ARHGAP24: variants seen among roughly 807,000 people sequenced by gnomAD.
The protein encoded by ARHGAP24 is rho GTPase-activating protein 24.
Under a neutral mutation model 76.4 loss-of-function variants are expected in ARHGAP24, and 50 were observed. The ratio of observed to expected loss-of-function variants is 0.65; its 90% CI spans 0.52 to 0.83. The LOEUF (loss-of-function observed/expected upper bound fraction) is 0.83. Ranked by LOEUF, ARHGAP24 falls within the 40% of genes least tolerant of loss-of-function variation. The pLI is 0.00. For synonymous variants in ARHGAP24, 345 were observed against 323.3 expected, an observed-to-expected ratio of 1.07 and a Z score of -0.72; for missense variants, 930 against 914.2, an observed-to-expected ratio of 1.02 and a Z score of -0.22.
chr4:85,585,663 C>T (rs1179298189), intron 2 of ARHGAP24, among the ~76,000 whole-genome samples: 2 of 152,126 alleles, frequency 1.3e-5, no homozygotes, highest in East Asian at 1.9e-4. Flanking sequence ...GGAAGATGTT[C>T]GTTCTTGCTT....
chr4:85,504,630 G>T (rs1475727714), intron 1 of ARHGAP24, among the ~76,000 whole-genome samples: 1 of 152,124 alleles, frequency 6.6e-6, no homozygotes, highest in Non-Finnish European at 1.5e-5. Flanking sequence ...CATGAGACGG[G>T]TCTCCTGAAT....
chr4:85,856,672 T>A (rs1334776657), intron 3 of ARHGAP24, among the ~76,000 whole-genome samples: 1 of 152,038 alleles, frequency 6.6e-6, no homozygotes, highest in Non-Finnish European at 1.5e-5. Context: ...AGTTTCACCA[T>A]GTTGACCAAG....
chr4:85,709,223 G>T (rs1724430247), intron 2 of ARHGAP24, among the ~76,000 whole-genome samples: 1 of 152,088 alleles, frequency 6.6e-6, no homozygotes, highest in South Asian at 2.1e-4. Flanking sequence ...TAGATGCAAA[G>T]GTGCCTGGGA....
At chr4:85,601,069 T>G (rs1389614962) in intron 2 of ARHGAP24, among the ~76,000 whole-genome samples, 3 of 152,224 alleles carry the variant, frequency 2.0e-5, no homozygotes, top group Non-Finnish European at 4.4e-5. Flanking sequence ...TATTTTTACT[T>G]TATTCATTTT....
At chr4:85,923,190 A>G (rs780415772) in intron 3 of ARHGAP24, among the ~76,000 whole-genome samples, 2 of 151,966 alleles carry the variant, frequency 1.3e-5, no homozygotes, top group Non-Finnish European at 2.9e-5. Context: ...TGTAACTCCC[A>G]TATCCAATCA....
chr4:85,782,757 A>C lies in ARHGAP24; in HGVS notation c.268+60785A>C, dbSNP rs369686301. Among the ~76,000 whole-genome samples the C allele has an allele frequency of 8.5e-5, 13 of 152,330 alleles. No homozygotes were observed. In the East Asian group the frequency reaches 2.3e-3, roughly 27 times the overall value. On this transcript the variant is annotated intron_variant, in intron 3 of 9. Coordinates refer to ENST00000395184, the MANE Select transcript of ARHGAP24 (RefSeq NM_001025616.3). Reference sequence around the variant, plus strand: ...AAAAGATACTCAAACTGACTCAAGTATGTTCCTACATATTGGCCTTTGTTT... The same window carrying C: ...AAAAGATACTCAAACTGACTCAAGTCTGTTCCTACATATTGGCCTTTGTTT...
intron 3 of ARHGAP24, among the ~76,000 whole-genome samples, chr4:85,896,303 G>T (rs753227616): frequency 1.3e-5 from 2 of 152,098 alleles, no homozygotes; most frequent in Non-Finnish European, 2.9e-5. Flanking sequence ...AAGTAGTTCT[G>T]TATTACTATA....
chr4:85,930,844 A>G lies in ARHGAP24; in HGVS notation c.391+7074A>G, dbSNP rs1347774825. On this transcript the variant is annotated intron_variant, in intron 4 of 9. Coordinates refer to ENST00000395184, the MANE Select transcript of ARHGAP24 (RefSeq NM_001025616.3). ...TCAGCACTTCAAAAATAACAAGTAA[A>G]CAAGCATGAGGAGTGGCTGTTGGGT... The G allele has an allele frequency of 8.1e-6, 13 of 1,596,714 alleles. No homozygotes were observed. In the East Asian group the frequency reaches 2.5e-4, roughly 31 times the overall value.
chr4:85,616,937 TATAA>T (rs934049837), intron 2 of ARHGAP24, among the ~76,000 whole-genome samples: 2 of 151,964 alleles, frequency 1.3e-5, no homozygotes, highest in Admixed American at 6.6e-5. Context: ...GGCTTCCTTT[TATAA>T]ATAAAGTTTT....
chr4:85,664,171 T>G (rs549808282), intron 2 of ARHGAP24, among the ~76,000 whole-genome samples: 2 of 151,702 alleles, frequency 1.3e-5, no homozygotes, highest in East Asian at 1.9e-4. Context: ...AGCTATTGAT[T>G]ATTGCCACAA....
intron 2 of ARHGAP24, among the ~76,000 whole-genome samples, chr4:85,665,191 A>G (rs1289046829): frequency 3.9e-5 from 6 of 152,136 alleles, no homozygotes; most frequent in East Asian, 1.9e-4. Context: ...TATGAATCTG[A>G]GTGCTCCTGT....
At chr4:85,528,746 A>C (rs1185987955) in intron 1 of ARHGAP24, among the ~76,000 whole-genome samples, 1 of 152,114 alleles carries the variant, frequency 6.6e-6, no homozygotes, top group East Asian at 1.9e-4. Context: ...ATCCTAGATT[A>C]TTATAATTGG....
chr4:85,655,848 G>GAGAGAGAGAGAGAGAGAGAGAC lies in ARHGAP24; in HGVS notation c.181-66033_181-66032insAGAGAGAGAGAGAGAGACAGAG, dbSNP rs1560571885. 3.0e-5 allele frequency among the ~76,000 whole-genome samples: 2 copies of GAGAGAGAGAGAGAGAGAGAGAC among 67,626 alleles called. 1 individual carries two copies. The highest frequency in any genetic ancestry group is 1.2e-4 in the African/African-American group (2 of 16,484). The allele number at this position is 67,626 out of a possible 152,430, so 44.4% of individuals were successfully genotyped here. A position where few individuals can be genotyped will look rare whatever the true frequency, so the allele number is the denominator to read the frequency against. On this transcript the variant is annotated intron_variant, in intron 2 of 9. Transcript: ENST00000395184. ...AGAGAGAGAGAGAGAGAGAGAGACA[G>GAGAGAGAGAGAGAGAGAGAGAC]AGAGGAAGTTTGGTTAGACTGTGCC...
At chr4:85,805,487 G>T (rs560429366) in intron 3 of ARHGAP24, among the ~76,000 whole-genome samples, 8 of 152,302 alleles carry the variant, frequency 5.3e-5, no homozygotes, top group African/African-American at 1.4e-4. Flanking sequence ...ATACCAAGGA[G>T]TGATACTCTG....
intron 2 of ARHGAP24, among the ~76,000 whole-genome samples, chr4:85,713,007 G>GT (rs1190110682): frequency 1.2e-4 from 18 of 152,166 alleles, no homozygotes; most frequent in Non-Finnish European, 1.5e-5. Context: ...CTTTTAAAAT[G>GT]TATGTCTAGG....
intron 2 of ARHGAP24, among the ~76,000 whole-genome samples, chr4:85,721,023 T>C (rs554347026): frequency 1.3e-5 from 2 of 152,154 alleles, no homozygotes; most frequent in East Asian, 3.9e-4. Flanking sequence ...GAAGTCAAAG[T>C]ACTTTTTTTA....
intron 2 of ARHGAP24, among the ~76,000 whole-genome samples, chr4:85,693,355 C>T (rs542956596): frequency 3.3e-5 from 5 of 152,280 alleles, no homozygotes; most frequent in African/African-American, 1.2e-4. Flanking sequence ...AGAAATAGGC[C>T]ACATCCTTTC....
intron 2 of ARHGAP24, among the ~76,000 whole-genome samples, chr4:85,593,529 C>T (rs1728200838): frequency 6.6e-6 from 1 of 152,090 alleles, no homozygotes; most frequent in Non-Finnish European, 1.5e-5. Flanking sequence ...GAATTATTTG[C>T]CCAGTCCAAT....
intron 3 of ARHGAP24, among the ~76,000 whole-genome samples, chr4:85,801,120 AT>A (rs1728562276): frequency 6.6e-6 from 1 of 152,056 alleles, no homozygotes; most frequent in African/African-American, 2.4e-5. Flanking sequence ...ATAGTTTTAT[AT>A]TTTTTATCCT....
Sources: gnomAD v4.1 joint callset for allele counts (sites outside exome capture counted in the v4.1 genomes callset) on GRCh38, gnomAD v4.1.1 for gene constraint, MANE v1.5 for transcripts, NCBI Gene and HGNC (gene_info 2026-07-23, HGNC 2026-07-21) for gene names.